The following SAP130 variants were observed in gnomAD, a reference collection of about 807,000 sequenced individuals.
The protein encoded by SAP130 is histone deacetylase complex subunit SAP130.
SAP130 carries 16 observed loss-of-function variants against 103.2 expected under a neutral mutation model. The observed-to-expected ratio is 0.16, with a 90% CI of 0.10 to 0.24. The LOEUF (loss-of-function observed/expected upper bound fraction) is 0.24. Ranked by LOEUF, SAP130 falls within the 10% of genes least tolerant of loss-of-function variation. SAP130 has a pLI of 1.00. For missense variants in SAP130, 990 were observed against 1,359.7 expected (o/e 0.73, Z 4.28); for synonymous variants, 477 against 497.0 (o/e 0.96, Z 0.53).
intron 4 of SAP130, among the ~76,000 whole-genome samples, chr2:128,015,689 C>T (rs1382047636): frequency 1.3e-5 from 2 of 152,038 alleles, no homozygotes; most frequent in Admixed American, 6.6e-5. Flanking sequence ...TGCCTGTAAT[C>T]CCAGCACTTT....
intron 15 of SAP130, among the ~76,000 whole-genome samples, chr2:127,957,999 C>A (rs1366894881): frequency 1.3e-5 from 2 of 152,210 alleles, no homozygotes; most frequent in African/African-American, 4.8e-5. Context: ...AGTTTTCAGA[C>A]TGAAGAGACC....
intron 6 of SAP130, among the ~76,000 whole-genome samples, chr2:128,010,636 G>A (rs941513652): frequency 2.0e-5 from 3 of 152,072 alleles, no homozygotes; most frequent in Admixed American, 6.6e-5. Flanking sequence ...GAGGTGGGCA[G>A]ATCAACTGAG....
chr2:127,993,480 TAA>T (rs369115205), intron 11 of SAP130, among the ~76,000 whole-genome samples, 172 bp from the exon 12 acceptor site: 1 of 140,388 alleles, frequency 7.1e-6, no homozygotes, highest in Non-Finnish European at 1.6e-5. Context: ...AATGCAAAAT[TAA>T]AAAAAAAAAA....
chr2:128,018,023 C>T, intron 2 of SAP130, 108 bp from the exon 3 acceptor site: 1 of 872,084 alleles, frequency 1.1e-6, no homozygotes, highest in Non-Finnish European at 1.7e-6. Context: ...GACAAAGTGG[C>T]CATTTCCTTG....
chr2:127,997,680 C>T (rs1409618382), intron 10 of SAP130, among the ~76,000 whole-genome samples: 1 of 152,122 alleles, frequency 6.6e-6, no homozygotes, highest in Non-Finnish European at 1.5e-5. Flanking sequence ...GTTTTTTTCA[C>T]TGAGCCCCAT....
At position 127,996,581 on chromosome 2, in the gene SAP130, C is replaced by A; in HGVS notation, c.1214-90G>T. 5 of 1,187,892 alleles carry A rather than the reference C, an allele frequency of 4.2e-6. No individual in the cohort carries two copies. Among genetic ancestry groups the A allele is most frequent in the Non-Finnish European group, 5.6e-6 (5 of 886,326 alleles). 73.6% of individuals were successfully genotyped at this position (1,187,892 alleles called of 1,614,324 possible). Reference sequence around the variant, plus strand: ...TTGGCTAGCAGCAATCTTAGGAAAGCAAACAATTAAAATAAGCCTGGATTT... The same window carrying A: ...TTGGCTAGCAGCAATCTTAGGAAAGAAAACAATTAAAATAAGCCTGGATTT... On this transcript the variant is annotated intron_variant, in intron 10 of 20. Transcript: ENST00000643581. The surrounding 1 kb of genome is among the most constrained non-coding windows in gnomAD (Gnocchi z 4.3).
chr2:127,984,529 T>C lies in SAP130; in HGVS notation c.1958+2256A>G, dbSNP rs77075513. ...AGGGCATGTCTACTATGAGGTCCAC[T>C]GTAGGGTAATCTAACCCTGTCCTTA... On this transcript the variant is annotated intron_variant, in intron 14 of 20. Transcript: ENST00000643581. Among the ~76,000 whole-genome samples the C allele has an allele frequency of 7.5e-4, 115 of 152,336 alleles. 2 individuals carry two copies. Among genetic ancestry groups the C allele is most frequent in the Non-Finnish European group, 1.2e-3 (81 of 68,022 alleles).
chr2:127,999,112 T>C (rs1683369001), intron 10 of SAP130, among the ~76,000 whole-genome samples: 1 of 152,192 alleles, frequency 6.6e-6, no homozygotes, highest in Non-Finnish European at 1.5e-5. Flanking sequence ...AAAGACCCAA[T>C]AGTAGCACCC....
intron 2 of SAP130, among the ~76,000 whole-genome samples, chr2:128,021,841 T>G (rs1433634424): frequency 1.3e-5 from 2 of 152,228 alleles, no homozygotes; most frequent in South Asian, 2.1e-4. Flanking sequence ...TAGTTTTAAT[T>G]AGCATTTCCA....
chr2:128,014,780 G>A lies in SAP130; in HGVS notation c.619+23C>T, dbSNP rs753612423. On this transcript the variant is annotated intron_variant, in intron 5 of 20. Coordinates refer to ENST00000643581, the MANE Select transcript of SAP130 (RefSeq NM_001330301.2). The stretch of plus-strand genomic sequence containing the variant: ...ATCTACTACTACATTTTGAGAGTTT[G>A]AACAAAACTTGCAAGTCGTTACCTC... The A allele has an allele frequency of 2.0e-5, 30 of 1,528,714 alleles. No homozygotes were observed. In the Admixed American group the frequency reaches 5.0e-4, roughly 26 times the overall value. 94.7% of individuals were successfully genotyped at this position (1,528,714 alleles called of 1,614,324 possible). A position where few individuals can be genotyped will look rare whatever the true frequency, so the allele number is the denominator to read the frequency against.
At chr2:127,964,044 T>C (rs1680459419) in intron 15 of SAP130, among the ~76,000 whole-genome samples, 1 of 152,224 alleles carries the variant, frequency 6.6e-6, no homozygotes, top group Non-Finnish European at 1.5e-5. Flanking sequence ...TAAAATGTTC[T>C]CTGAGAGCTG....
intron 13 of SAP130, among the ~76,000 whole-genome samples, chr2:127,987,405 C>T (rs1445328373): frequency 1.3e-5 from 2 of 152,104 alleles, no homozygotes; most frequent in East Asian, 1.9e-4. Context: ...AGGCTAGTCT[C>T]GAATTCCTGA....
chr2:127,983,755 T>A (rs1220645005), intron 14 of SAP130, among the ~76,000 whole-genome samples: 1 of 152,018 alleles, frequency 6.6e-6, no homozygotes, highest in African/African-American at 2.4e-5. Flanking sequence ...CATTGAATAC[T>A]GTGCAGGGCA....
At chr2:127,966,469 G>A (rs968603428) in intron 15 of SAP130, among the ~76,000 whole-genome samples, 2 of 151,224 alleles carry the variant, frequency 1.3e-5, no homozygotes, top group Non-Finnish European at 1.5e-5. Context: ...CTGGGAGGCC[G>A]AGGCGGGCAG....
chr2:127,950,393 G>C lies in SAP130; in HGVS notation c.2438C>G (p.Ala813Gly). The C allele has an allele frequency of 6.2e-7, 1 of 1,614,204 alleles. No individual in the cohort carries two copies. Among genetic ancestry groups the C allele is most frequent in the Non-Finnish European group, 8.5e-7 (1 of 1,180,016 alleles). The change falls in exon 17 of 21, where the codon GCT becomes GGT. Residue 813 changes from alanine to glycine, a missense_variant. By Grantham distance (60) the Ala-to-Gly change is moderately conservative. Transcript: ENST00000643581. Reference protein sequence around the residue: ...MRPVSAVPPLATNTVSPSLAL... With the variant: ...MRPVSAVPPLGTNTVSPSLAL... ...AAGAGATGGAGACACAGTGTTGGTA[G>C]CCAGTGGAGGAACTGCTGTCATAGG...
At chr2:127,948,254 A>G (rs1415915723) in intron 18 of SAP130, among the ~76,000 whole-genome samples, 1 of 150,146 alleles carries the variant, frequency 6.7e-6, no homozygotes, top group Non-Finnish European at 1.5e-5. Context: ...AATAACTAGT[A>G]TGTAAGGCTT....
intron 15 of SAP130, among the ~76,000 whole-genome samples, chr2:127,961,880 CT>C (rs1159642849): frequency 6.6e-6 from 1 of 152,118 alleles, no homozygotes; most frequent in Non-Finnish European, 1.5e-5. Flanking sequence ...TTTCTGAGCT[CT>C]GGTGCTGACT....
chr2:127,966,098 T>C (rs1436326371), intron 15 of SAP130, among the ~76,000 whole-genome samples: 2 of 152,182 alleles, frequency 1.3e-5, no homozygotes, highest in Non-Finnish European at 2.9e-5. Flanking sequence ...ACCACAGCAC[T>C]TTGGGAGGCT....
At chr2:128,014,585 C>T (rs543016688) in intron 5 of SAP130, among the ~76,000 whole-genome samples, 2 of 152,196 alleles carry the variant, frequency 1.3e-5, no homozygotes, top group East Asian at 1.9e-4. Flanking sequence ...GAACCTACCA[C>T]CTCAGCCTCC....
Sources: allele counts gnomAD v4.1 joint callset (sites outside exome capture counted in the v4.1 genomes callset), GRCh38; gene constraint gnomAD v4.1.1; non-coding constraint Gnocchi (gnomAD v3.1); transcripts MANE v1.5; gene names NCBI Gene and HGNC (gene_info 2026-07-23, HGNC 2026-07-21).